The following ZC3H14 variants were observed in gnomAD, a reference collection of about 807,000 sequenced individuals.
ZC3H14 encodes zinc finger CCCH domain-containing protein 14.
ZC3H14 carries 31 observed loss-of-function variants against 92.4 expected under a neutral mutation model. The observed-to-expected ratio is 0.34, with a 90% confidence interval of 0.25 to 0.45. The LOEUF is 0.45. Among genes scored for constraint, ZC3H14 ranks in the 20% least tolerant of loss-of-function variants. The pLI is 1.00. For missense variants in ZC3H14, 781 were observed against 897.3 expected, an observed-to-expected ratio of 0.87 and a Z score of 1.66; for synonymous variants, 321 against 300.9, an observed-to-expected ratio of 1.07 and a Z score of -0.69.
chr14:88,611,282 T>C (rs1048746617), intron 16 of ZC3H14, among the ~76,000 whole-genome samples: 1 of 151,952 alleles, frequency 6.6e-6, no homozygotes, highest in African/African-American at 2.4e-5. Context: ...ACCTGGCTAA[T>C]TTTTTTTATT....
intron 2 of ZC3H14, among the ~76,000 whole-genome samples, chr14:88,565,680 T>G (rs2079475352): frequency 6.6e-6 from 1 of 152,182 alleles, no homozygotes; most frequent in Non-Finnish European, 1.5e-5. Context: ...TAACATTTAA[T>G]AAGCTACCAC....
Position 88,619,482 on chromosome 14 carries a change from G to C in ZC3H14, c.*7731G>C, listed in dbSNP as rs750051866. On this transcript the variant is annotated 3_prime_UTR_variant, in exon 17 of 17. Coordinates refer to ENST00000251038, the MANE Select transcript of ZC3H14 (RefSeq NM_024824.5). ...GGCCTCCCAAGGTACTGGGATTACA[G>C]GTGTGAGCCACAACACCCAGTCAGA... The C allele has an allele frequency of 1.3e-5, 2 of 152,250 alleles. No homozygotes were observed. Among genetic ancestry groups the C allele is most frequent in the Non-Finnish European group, 2.9e-5 (2 of 68,068 alleles). The allele number at this position is 152,250 out of a possible 1,614,324, so 9.4% of individuals were successfully genotyped here.
chr14:88,567,481 G>A lies in ZC3H14; in HGVS notation c.80-558G>A, dbSNP rs544868462. On this transcript the variant is annotated intron_variant, in intron 2 of 16. Coordinates refer to ENST00000251038, the MANE Select transcript of ZC3H14 (RefSeq NM_024824.5). ...ATAATCATTGTAGGATTACCACTGTGAGGGTAAAACCGTGCATTGAGTTGA... is the reference window on the plus strand; with the variant it reads ...ATAATCATTGTAGGATTACCACTGTAAGGGTAAAACCGTGCATTGAGTTGA... Among the ~76,000 whole-genome samples the A allele has an allele frequency of 2.1e-4, 31 of 150,524 alleles. 1 individual carries two copies. The highest frequency in any genetic ancestry group is 1.5e-3 in the Admixed American group (22 of 15,106).
intron 9 of ZC3H14, chr14:88,590,869 C>T (rs993250466): frequency 2.0e-5 from 3 of 152,164 alleles, no homozygotes; most frequent in African/African-American, 7.2e-5. Flanking sequence ...GTAAATGTCA[C>T]TCCTGCCTTG....
In ZC3H14 at chr14:88,625,165, A is replaced by G. The variant is rs777267338; in HGVS notation, c.*13414A>G. On this transcript the variant is annotated 3_prime_UTR_variant, in exon 17 of 17. Coordinates refer to ENST00000251038, the MANE Select transcript of ZC3H14 (RefSeq NM_024824.5). ...GGGGGAGGGGGAGACAAACTCATCAAAAGTTCAAATAGAGTTTAAATAGAT... is the reference window on the plus strand; with the variant it reads ...GGGGGAGGGGGAGACAAACTCATCAGAAGTTCAAATAGAGTTTAAATAGAT... The G allele has an allele frequency of 3.1e-6, 5 of 1,608,048 alleles. No homozygotes were observed. Among genetic ancestry groups the G allele is most frequent in the Admixed American group, 3.4e-5 (2 of 59,278 alleles).
At position 88,602,186 on chromosome 14, in the gene ZC3H14, A is replaced by G. The variant is rs1323618713; in HGVS notation, c.1514+103A>G. ...TCCTCCCCGCCCTAACCGCTAGCGT[A>G]GAGTGCTTTCATTGATTCAGTAGCT... On this transcript the variant is annotated intron_variant, in intron 11 of 16. Coordinates refer to ENST00000251038, the MANE Select transcript of ZC3H14 (RefSeq NM_024824.5). 6.6e-6 allele frequency: 10 copies of G among 1,517,244 alleles called. No individual in the cohort carries two copies. The Admixed American group carries it at 6.9e-5, about 11-fold the overall frequency. 94.0% of individuals were successfully genotyped at this position (1,517,244 alleles called of 1,614,324 possible). A position where few individuals can be genotyped will look rare whatever the true frequency, so the allele number is the denominator to read the frequency against.
chr14:88,584,669 C>T (rs955002823), intron 9 of ZC3H14, among the ~76,000 whole-genome samples: 2 of 152,126 alleles, frequency 1.3e-5, no homozygotes, highest in African/African-American at 4.8e-5. Context: ...ACCATCTCTG[C>T]GACAGTTCAG....
Position 88,620,850 on chromosome 14 carries a change from A to G in ZC3H14, c.*9099A>G, listed in dbSNP as rs756773492. On this transcript the variant is annotated 3_prime_UTR_variant, in exon 17 of 17. Coordinates refer to ENST00000251038, the MANE Select transcript of ZC3H14 (RefSeq NM_024824.5). This position sits in a 1 kb window ranked among gnomAD's most constrained non-coding sequence, Gnocchi z 4.3. ...GATAAATTCTCCATTTTTCATTCCAATAGCCACCATGTCCCCTTCAGGGCT... is the reference window on the plus strand; with the variant it reads ...GATAAATTCTCCATTTTTCATTCCAGTAGCCACCATGTCCCCTTCAGGGCT... The G allele has an allele frequency of 2.9e-5, 46 of 1,591,778 alleles. No individual in the cohort carries two copies. The highest frequency in any genetic ancestry group is 1.8e-4 in the East Asian group (8 of 44,310).
At chr14:88,576,183 T>G (rs1336916695) in intron 8 of ZC3H14, among the ~76,000 whole-genome samples, 1 of 152,240 alleles carries the variant, frequency 6.6e-6, no homozygotes, top group Non-Finnish European at 1.5e-5. Flanking sequence ...TTCCAATGTG[T>G]GTAAAATATA....
rs146653429 is a variant in ZC3H14 at position 88,585,533 on chromosome 14, C to T, written c.1279+7393C>T. ...CTGGGATTATAGACGCCCACCACTA[C>T]GCCCAGCTAATTTTTGTATTTTTAA... On this transcript the variant is annotated intron_variant, in intron 9 of 16. Coordinates refer to ENST00000251038, the MANE Select transcript of ZC3H14 (RefSeq NM_024824.5). Among the ~76,000 whole-genome samples the T allele has an allele frequency of 1.1e-4, 16 of 152,040 alleles. No homozygotes were observed. The East Asian group carries it at 1.4e-3, about 13-fold the overall frequency.
At position 88,620,873 on chromosome 14, in the gene ZC3H14, G is replaced by T; in HGVS notation, c.*9122G>T. ...CAATAGCCACCATGTCCCCTTCAGGGCTGTAACACACAGTACGAGCAGCAT... is the reference window on the plus strand; with the variant it reads ...CAATAGCCACCATGTCCCCTTCAGGTCTGTAACACACAGTACGAGCAGCAT... On this transcript the variant is annotated 3_prime_UTR_variant, in exon 17 of 17. Coordinates refer to ENST00000251038, the MANE Select transcript of ZC3H14 (RefSeq NM_024824.5). The surrounding 1 kb of genome is among the most constrained non-coding windows in gnomAD (Gnocchi z 4.3). 6.3e-7 allele frequency: 1 copy of T among 1,578,756 alleles called. No homozygotes were observed. Among genetic ancestry groups the T allele is most frequent in the Non-Finnish European group, 8.6e-7 (1 of 1,161,986 alleles).
rs139808502 is a variant in ZC3H14 at position 88,619,258 on chromosome 14, G to A, written c.*7507G>A. On this transcript the variant is annotated 3_prime_UTR_variant, in exon 17 of 17. Coordinates refer to ENST00000251038, the MANE Select transcript of ZC3H14 (RefSeq NM_024824.5). ...TGCACGCCTGTAATCCCATCTACTC[G>A]GGAGGCTGAAGCAGGAGAATCGCTT... 0.019 allele frequency: 2,871 copies of A among 152,906 alleles called. 85 individuals are homozygous for A. Among genetic ancestry groups the A allele is most frequent in the African/African-American group, 0.063 (2,610 of 41,556 alleles). 9.5% of individuals were successfully genotyped at this position (152,906 alleles called of 1,614,324 possible).
At chr14:88,563,862 G>GTT (rs554550535) in intron 2 of ZC3H14, among the ~76,000 whole-genome samples, 169 bp downstream of exon 2, 1 of 151,774 alleles carries the variant, frequency 6.6e-6, no homozygotes, top group African/African-American at 2.4e-5. Context: ...TTGCAACCTT[G>GTT]TTTTTTTTCT....
intron 10 of ZC3H14, 144 bp downstream of exon 10, chr14:88,596,952 G>T (rs993294282): frequency 7.9e-6 from 6 of 763,304 alleles, no homozygotes; most frequent in Non-Finnish European, 1.3e-5. Flanking sequence ...TTAGGGCCAG[G>T]AGATAAGATC....
At position 88,594,958 on chromosome 14, in the gene ZC3H14, G is replaced by A. The variant is rs1205832615; in HGVS notation, c.1280-1776G>A. The A allele has an allele frequency of 1.9e-6, 3 of 1,613,926 alleles. No homozygotes were observed. The East Asian group carries it at 6.7e-5, about 36-fold the overall frequency. The stretch of plus-strand genomic sequence containing the variant: ...TCTAAATGTTAGAGTGTCCAAGAAT[G>A]AAGCAAAAATTTCATCTTTGGAGGT... On this transcript the variant is annotated intron_variant, in intron 9 of 16. Coordinates refer to ENST00000251038, the MANE Select transcript of ZC3H14 (RefSeq NM_024824.5).
intron 9 of ZC3H14, chr14:88,595,121 T>C (rs1490978302): frequency 1.2e-6 from 2 of 1,605,856 alleles, no homozygotes. Context: ...GGTAAACTCT[T>C]AATATATGAT....
chr14:88,616,290 G>T lies in ZC3H14; in HGVS notation c.*4539G>T, dbSNP rs1190014758. The T allele has an allele frequency of 3.2e-6, 5 of 1,550,318 alleles. No individual in the cohort carries two copies. The highest frequency in any genetic ancestry group is 2.2e-5 in the East Asian group (1 of 44,536). On this transcript the variant is annotated 3_prime_UTR_variant, in exon 17 of 17. Transcript: ENST00000251038. ...CTCAGGGCATTTGGTGCACACAGAA[G>T]TCAAAGGCTCTTATTAGGAACTATA... is the stretch of plus-strand genomic sequence containing the variant.
In ZC3H14 at chr14:88,611,277, G is replaced by T. The variant is rs535106221; in HGVS notation, c.2204+337G>T. Among the ~76,000 whole-genome samples, 536 of 152,114 alleles carry T rather than the reference G, an allele frequency of 3.5e-3. 3 individuals are homozygous for T. The highest frequency in any genetic ancestry group is 0.012 in the African/African-American group (516 of 41,486). The stretch of plus-strand genomic sequence containing the variant: ...CTACAAGCGTGTGCCTCTATACCTG[G>T]CTAATTTTTTTTATTTTAAGTAGAG... On this transcript the variant is annotated intron_variant, in intron 16 of 16. Coordinates refer to ENST00000251038, the MANE Select transcript of ZC3H14 (RefSeq NM_024824.5).
chr14:88,616,835 TC>T lies in ZC3H14; in HGVS notation c.*5085del. ...ACAGGCACAGTTGACATCAGCTTTC[TC>T]AGCATGTCTGGACCAGATTCCCAAA... On this transcript the variant is annotated 3_prime_UTR_variant, in exon 17 of 17. Transcript: ENST00000251038. 6.2e-7 allele frequency: 1 copy of T among 1,613,942 alleles called. No homozygotes were observed. The highest frequency in any genetic ancestry group is 8.5e-7 in the Non-Finnish European group (1 of 1,179,860).
Sources: allele counts gnomAD v4.1 joint callset (sites outside exome capture counted in the v4.1 genomes callset), GRCh38; gene constraint gnomAD v4.1.1; non-coding constraint Gnocchi (gnomAD v3.1); transcripts MANE v1.5; gene names NCBI Gene and HGNC (gene_info 2026-07-23, HGNC 2026-07-21).